PARP16: variants seen among roughly 807,000 people sequenced by gnomAD.
PARP16 encodes poly(ADP-ribose) polymerase family member 16, also known as protein mono-ADP-ribosyltransferase PARP16.
In PARP16, 31 loss-of-function variants were observed where a neutral mutation model predicts 35.0. That is an observed-to-expected ratio of 0.88 (90% CI 0.66 to 1.19). The LOEUF is 1.19. Among genes scored for constraint, PARP16 ranks in the 50% most tolerant of loss-of-function variants. The pLI, the probability that PARP16 is intolerant of heterozygous loss-of-function variation, is 0.00. For missense variants in PARP16, 424 were observed against 411.2 expected (o/e 1.03, Z -0.27); for synonymous variants, 162 against 169.5 (o/e 0.96, Z 0.34).
chr15:65,278,165 G>C (rs1329266041), intron 1 of PARP16, among the ~76,000 whole-genome samples: 1 of 152,138 alleles, frequency 6.6e-6, no homozygotes, highest in Non-Finnish European at 1.5e-5. Context: ...AATGAGTAAC[G>C]GGAGCCCGGG....
chr15:65,275,126 A>G (rs1220608465), intron 1 of PARP16, among the ~76,000 whole-genome samples: 1 of 151,880 alleles, frequency 6.6e-6, no homozygotes, highest in African/African-American at 2.4e-5. Flanking sequence ...AAAAAAAAAA[A>G]GCAGCATTCA....
chr15:65,252,078 T>A (rs2089378234), intron 2 of PARP16, among the ~76,000 whole-genome samples: 1 of 152,210 alleles, frequency 6.6e-6, no homozygotes, highest in Admixed American at 6.5e-5. Context: ...TGCCTAGGTT[T>A]GAAGCAATCA....
chr15:65,268,746 A>AT (rs1391364230), intron 2 of PARP16, among the ~76,000 whole-genome samples: 8 of 150,006 alleles, frequency 5.3e-5, no homozygotes, highest in Non-Finnish European at 3.0e-5. Context: ...CCCCTAGTCC[A>AT]TTTCAGTGGT....
At chr15:65,268,791 G>A (rs1285449624) in intron 2 of PARP16, among the ~76,000 whole-genome samples, 2 of 151,878 alleles carry the variant, frequency 1.3e-5, no homozygotes, top group African/African-American at 4.8e-5. Context: ...GTCTTAGTCT[G>A]TCTCTCAGCC....
At chr15:65,286,118 G>C in intron 1 of PARP16, 135 bp downstream of exon 1, 1 of 720,746 alleles carries the variant, frequency 1.4e-6, no homozygotes, top group Non-Finnish European at 2.2e-6. Context: ...CCCAAGGCAA[G>C]GCAAGACCAA....
chr15:65,240,323 AGTGTGTGTGTGTGTGTGTGTGTGT>A lies in PARP16; in HGVS notation c.*98-5524_*98-5501del, dbSNP rs34811236. Among the ~76,000 whole-genome samples, 583 of 126,130 alleles carry A rather than the reference AGTGTGTGTGTGTGTGTGTGTGTGT, an allele frequency of 4.6e-3. 4 individuals are homozygous for A. The highest frequency in any genetic ancestry group is 0.017 in the African/African-American group (550 of 32,052). 82.7% of individuals were successfully genotyped at this position (126,130 alleles called of 152,430 possible). ...GTGTGTGTGTGTGGTGGGGGGGGCT[AGTGTGTGTGTGTGTGTGTGTGTGT>A]GTGTGTGTGTGTGTGTTGGGATTAC... On this transcript the variant is annotated intron_variant and NMD_transcript_variant, in intron 3 of 3. Coordinates refer to the PARP16 transcript ENST00000559805.
At chr15:65,253,729 C>A (rs1200376323), downstream of PARP16, among the ~76,000 whole-genome samples, 1 of 152,186 alleles carries the variant, frequency 6.6e-6, no homozygotes, top group Non-Finnish European at 1.5e-5. Flanking sequence ...AACTCTTCTC[C>A]AGCACCTACC....
At position 65,260,989 on chromosome 15, in the gene PARP16, T is replaced by C. The variant is rs759960490; in HGVS notation, c.729A>G (p.Lys243=). ...GAGGGATGTCTCCCCCTTCACTATG[T>C]TTGATTCTCGCTCGTCTGCGATCTA... ...KEIDRRRARI[K]HSEGGDIPPK... The change falls in exon 5 of 6, where the codon AAA becomes AAG. Residue 243 remains lysine (K), a synonymous_variant. Coordinates refer to ENST00000649807, the MANE Select transcript of PARP16 (RefSeq NM_001316943.2). 4.3e-6 allele frequency: 7 copies of C among 1,613,880 alleles called. No homozygotes were observed. The highest frequency in any genetic ancestry group is 5.9e-6 in the Non-Finnish European group (7 of 1,179,860).
At chr15:65,241,008 A>G (rs1414467204) in intron 3 of PARP16, among the ~76,000 whole-genome samples, 3 of 150,500 alleles carry the variant, frequency 2.0e-5, no homozygotes, top group Admixed American at 2.0e-4. Flanking sequence ...AATTTTTTGT[A>G]TTTTTTTAGT....
At chr15:65,248,103 C>T (rs1050660032) in intron 3 of PARP16, 11 of 450,896 alleles carry the variant, frequency 2.4e-5, no homozygotes, top group East Asian at 7.0e-5. Flanking sequence ...CGCTCCCGGC[C>T]GGATTGTTCT....
At chr15:65,281,502 C>G (rs1191093121) in intron 1 of PARP16, among the ~76,000 whole-genome samples, 1 of 152,106 alleles carries the variant, frequency 6.6e-6, no homozygotes. Flanking sequence ...CCAGCCTTGA[C>G]CAACATGGTG....
intron 3 of PARP16, among the ~76,000 whole-genome samples, chr15:65,238,080 G>A (rs1322200122): frequency 6.6e-6 from 1 of 152,184 alleles, no homozygotes; most frequent in African/African-American, 2.4e-5. Context: ...GAGGTCCGGA[G>A]TTTGAGACCA....
At chr15:65,241,522 T>C (rs2089079980) in intron 3 of PARP16, among the ~76,000 whole-genome samples, 1 of 152,224 alleles carries the variant, frequency 6.6e-6, no homozygotes, top group Admixed American at 6.5e-5. Flanking sequence ...ACACTTCATA[T>C]GGTCAGTCTT....
chr15:65,259,555 G>GA lies in PARP16; in HGVS notation c.834-14dup, dbSNP rs748112095. 5 of 1,607,468 alleles carry GA rather than the reference G, an allele frequency of 3.1e-6. No homozygotes were observed. In the Admixed American group the frequency reaches 6.9e-5, roughly 22 times the overall value. ...CTGGCTCGAAGCCCTGCTTAAGAGGGAAAAAAGAGTGGTGTTGGCAAAAAG... is the reference window on the plus strand; with the variant it reads ...CTGGCTCGAAGCCCTGCTTAAGAGGGAAAAAAAGAGTGGTGTTGGCAAAAAG... On this transcript the variant is annotated splice_polypyrimidine_tract_variant and intron_variant, in intron 5 of 5. Coordinates refer to ENST00000649807, the MANE Select transcript of PARP16 (RefSeq NM_001316943.2).
chr15:65,275,751 G>A (rs983767137), intron 1 of PARP16, among the ~76,000 whole-genome samples: 14 of 152,128 alleles, frequency 9.2e-5, no homozygotes, highest in Admixed American at 6.5e-4. Flanking sequence ...CCCAAATGGT[G>A]TACCCTCAGG....
chr15:65,247,628 C>T (rs2089243230), intron 3 of PARP16, among the ~76,000 whole-genome samples: 1 of 152,104 alleles, frequency 6.6e-6, no homozygotes, highest in Non-Finnish European at 1.5e-5. Flanking sequence ...TCTTAGGTCA[C>T]TGCCCTCTCA....
chr15:65,248,881 C>T (rs1480667631), intron 2 of PARP16, among the ~76,000 whole-genome samples: 2 of 152,168 alleles, frequency 1.3e-5, no homozygotes, highest in East Asian at 3.9e-4. Flanking sequence ...AAGGACTCTG[C>T]CCTTGGTCCC....
chr15:65,282,413 T>C (rs1194072854), intron 1 of PARP16: 1 of 152,204 alleles, frequency 6.6e-6, no homozygotes, highest in Non-Finnish European at 1.5e-5. Flanking sequence ...AGTTAGACTT[T>C]GATTCAGATA....
At chr15:65,252,763 C>T (rs531393273) in intron 2 of PARP16, among the ~76,000 whole-genome samples, 8 of 152,308 alleles carry the variant, frequency 5.3e-5, no homozygotes, top group East Asian at 1.9e-4. Flanking sequence ...TGTTATCAGT[C>T]ATTTGCACAT....
Sources: gnomAD v4.1 joint callset for allele counts (sites outside exome capture counted in the v4.1 genomes callset) on GRCh38, gnomAD v4.1.1 for gene constraint, MANE v1.5 for transcripts, NCBI Gene and HGNC (gene_info 2026-07-23, HGNC 2026-07-21) for gene names.